Variants in OSBPL6 observed in about 807,000 individuals in gnomAD.
The protein encoded by OSBPL6 is oxysterol-binding protein-related protein 6.
In OSBPL6, 49 loss-of-function variants were observed where a neutral mutation model predicts 125.8. That is an observed-to-expected ratio of 0.39 (90% CI 0.31 to 0.49). The LOEUF (loss-of-function observed/expected upper bound fraction) is 0.49, where lower values mean the gene tolerates loss of function less well. OSBPL6 is among the 20% of genes least tolerant of loss of function. OSBPL6 has a pLI of 0.88. For missense variants in OSBPL6, 986 were observed against 1,135.4 expected (o/e 0.87, Z 1.89); for synonymous variants, 394 against 391.8 (o/e 1.01, Z -0.07).
At chr2:178,239,728 C>T (rs1438660129) in intron 1 of OSBPL6, among the ~76,000 whole-genome samples, 3 of 151,602 alleles carry the variant, frequency 2.0e-5, no homozygotes, top group East Asian at 3.9e-4. Flanking sequence ...TGGGTTCACA[C>T]TATTCTCCTG....
chr2:178,356,663 C>T (rs1691821991), intron 12 of OSBPL6, among the ~76,000 whole-genome samples: 1 of 152,132 alleles, frequency 6.6e-6, no homozygotes, highest in Non-Finnish European at 1.5e-5. Context: ...GCTATACTGC[C>T]CAAGGTAATT....
intron 12 of OSBPL6, among the ~76,000 whole-genome samples, chr2:178,350,070 T>C (rs1691110407): frequency 6.6e-6 from 1 of 152,236 alleles, no homozygotes; most frequent in Non-Finnish European, 1.5e-5. Flanking sequence ...CATTGTATTC[T>C]ATTGGTCAAA....
At position 178,194,527 on chromosome 2, in the gene OSBPL6, C is replaced by G. The variant is rs986301284; in HGVS notation, c.-498C>G. On this transcript the variant is annotated 5_prime_UTR_variant, in exon 1 of 25. It adds an upstream start codon to the 5' untranslated region. Coordinates refer to ENST00000190611, the MANE Select transcript of OSBPL6 (RefSeq NM_032523.4). ...CGCCGCCGCTGTCGGTGCTGGAGAT[C>G]GCGGCTCGGTGCAGGCGGCGCCCAT... is the stretch of plus-strand genomic sequence containing the variant. The G allele has an allele frequency of 6.6e-6, 1 of 152,122 alleles. No individual in the cohort carries two copies. The highest frequency in any genetic ancestry group is 1.5e-5 in the Non-Finnish European group (1 of 68,080). The allele number at this position is 152,122 out of a possible 1,614,324, so 9.4% of individuals were successfully genotyped here. A position where few individuals can be genotyped will look rare whatever the true frequency, so the allele number is the denominator to read the frequency against.
At chr2:178,250,355 C>A (rs1321731071) in intron 1 of OSBPL6, among the ~76,000 whole-genome samples, 1 of 152,186 alleles carries the variant, frequency 6.6e-6, no homozygotes, top group Non-Finnish European at 1.5e-5. Flanking sequence ...TCACTGTTCT[C>A]TATCCCAGAC....
chr2:178,198,047 A>G (rs979869367), intron 1 of OSBPL6, among the ~76,000 whole-genome samples: 1 of 152,196 alleles, frequency 6.6e-6, no homozygotes, highest in Non-Finnish European at 1.5e-5. Context: ...TGAGGGAGCC[A>G]TGAGAAATTT....
chr2:178,365,631 G>A (rs1281561605), intron 13 of OSBPL6, among the ~76,000 whole-genome samples: 2 of 151,504 alleles, frequency 1.3e-5, no homozygotes, highest in East Asian at 2.0e-4. Flanking sequence ...AGCCAAGATC[G>A]CACCATTGCA....
intron 1 of OSBPL6, 52 bp downstream of exon 1, chr2:178,194,726 G>C (rs1428033399): frequency 6.6e-6 from 1 of 152,246 alleles, no homozygotes; most frequent in Non-Finnish European, 1.5e-5. Context: ...CAAGGTGCCC[G>C]CATCGCGGCC....
At chr2:178,353,961 AC>A (rs1403079522) in intron 12 of OSBPL6, among the ~76,000 whole-genome samples, 1 of 152,222 alleles carries the variant, frequency 6.6e-6, no homozygotes, top group Non-Finnish European at 1.5e-5. Flanking sequence ...AGAATTTTCA[AC>A]CCAGAATTTC....
intron 1 of OSBPL6, among the ~76,000 whole-genome samples, chr2:178,265,191 CTTT>C (rs376718500): frequency 4.3e-3 from 143 of 33,602 alleles, no homozygotes; most frequent in Non-Finnish European, 6.4e-3. Context: ...CCAGACGAGA[CTTT>C]TTTTTTTTTT....
intron 1 of OSBPL6, among the ~76,000 whole-genome samples, chr2:178,258,196 A>G (rs114171667): frequency 0.031 from 4,666 of 150,836 alleles, 199 homozygotes; most frequent in African/African-American, 0.11. Context: ...CGCCTCCCCA[A>G]TTCAAGCGCT....
chr2:178,338,716 C>G lies in OSBPL6; in HGVS notation c.791-275C>G, dbSNP rs112723945. Among the ~76,000 whole-genome samples, 611 of 152,290 alleles carry G rather than the reference C, an allele frequency of 4.0e-3. 2 individuals carry two copies. Among genetic ancestry groups the G allele is most frequent in the African/African-American group, 0.014 (588 of 41,570 alleles). ...GTGCTTCCCATGTGGCAAAAGCTAT[C>G]AGAGCAGAAAAGGGATCACATACAG... On this transcript the variant is annotated intron_variant, in intron 9 of 24. Transcript: ENST00000190611.
intron 3 of OSBPL6, among the ~76,000 whole-genome samples, chr2:178,320,763 A>G (rs2154070569): frequency 6.6e-6 from 1 of 152,360 alleles, no homozygotes; most frequent in Non-Finnish European, 1.5e-5. Flanking sequence ...TTTAAATTGA[A>G]TAAGTAAGAG....
intron 1 of OSBPL6, among the ~76,000 whole-genome samples, chr2:178,272,562 A>G (rs1037254518): frequency 2.6e-5 from 4 of 152,096 alleles, no homozygotes; most frequent in Non-Finnish European, 5.9e-5. Flanking sequence ...GAAGCTTTTA[A>G]TGCACCACCG....
chr2:178,395,968 T>C lies in OSBPL6; in HGVS notation c.*409T>C, dbSNP rs1348225297. On this transcript the variant is annotated 3_prime_UTR_variant, in exon 25 of 25. Transcript: ENST00000190611. Reference sequence around the variant, plus strand: ...TCCACTGTCTGGAAGCACCATCCCCTATCGCAGGACTCCTGGGCCACAAGC... The same window carrying C: ...TCCACTGTCTGGAAGCACCATCCCCCATCGCAGGACTCCTGGGCCACAAGC... 5.6e-6 allele frequency: 2 copies of C among 357,414 alleles called. No individual in the cohort carries two copies. Among genetic ancestry groups the C allele is most frequent in the Non-Finnish European group, 1.1e-5 (2 of 184,716 alleles). 22.1% of individuals were successfully genotyped at this position (357,414 alleles called of 1,614,324 possible).
chr2:178,295,604 T>G (rs907779854), intron 2 of OSBPL6, among the ~76,000 whole-genome samples: 1 of 152,156 alleles, frequency 6.6e-6, no homozygotes, highest in Non-Finnish European at 1.5e-5. Flanking sequence ...GACTGGGTTA[T>G]CTCCTTGGGT....
At chr2:178,290,343 C>T (rs1685126371) in intron 2 of OSBPL6, among the ~76,000 whole-genome samples, 1 of 151,234 alleles carries the variant, frequency 6.6e-6, no homozygotes, top group Non-Finnish European at 1.5e-5. Flanking sequence ...TAGCGAGAAA[C>T]TTCCCTTTTT....
At chr2:178,220,979 G>T (rs528345980) in intron 1 of OSBPL6, among the ~76,000 whole-genome samples, 10 of 152,314 alleles carry the variant, frequency 6.6e-5, no homozygotes, top group Admixed American at 6.5e-4. Flanking sequence ...CCCAGGCTGT[G>T]TCCATTAAGC....
At chr2:178,366,840 A>C (rs1010139975) in intron 13 of OSBPL6, among the ~76,000 whole-genome samples, 2 of 152,240 alleles carry the variant, frequency 1.3e-5, no homozygotes, top group African/African-American at 4.8e-5. Flanking sequence ...AGAATCCTTC[A>C]CATGTTCTTT....
intron 12 of OSBPL6, 30 bp from the exon 13 acceptor site, chr2:178,361,652 C>T (rs374538054): frequency 4.3e-6 from 7 of 1,610,992 alleles, no homozygotes; most frequent in Non-Finnish European, 5.9e-6. Flanking sequence ...ACATATCTGA[C>T]AGTTTTTTCT....
Sources: allele counts gnomAD v4.1 joint callset (sites outside exome capture counted in the v4.1 genomes callset), GRCh38; gene constraint gnomAD v4.1.1; transcripts MANE v1.5; gene names NCBI Gene and HGNC (gene_info 2026-07-23, HGNC 2026-07-21).